Variants in DOCK4 observed in about 807,000 individuals in gnomAD.
DOCK4 encodes the protein dedicator of cytokinesis 4.
In DOCK4, 97 loss-of-function variants were observed where a neutral mutation model predicts 268.1. The observed-to-expected ratio is 0.36, with a 90% confidence interval of 0.31 to 0.43. The LOEUF (loss-of-function observed/expected upper bound fraction) is 0.43. Among genes scored for constraint, DOCK4 ranks in the 20% least tolerant of loss-of-function variants. The probability of loss-of-function intolerance (pLI) is 1.00; values close to 1 mark genes in which losing one functional copy is unlikely to be tolerated. For missense variants in DOCK4, 2,145 were observed against 2,455.7 expected, an observed-to-expected ratio of 0.87 and a Z score of 2.67; for synonymous variants, 954 against 887.2, an observed-to-expected ratio of 1.08 and a Z score of -1.34.
intron 1 of DOCK4, among the ~76,000 whole-genome samples, chr7:112,054,793 T>C (rs1369146827): frequency 6.6e-6 from 1 of 152,164 alleles, no homozygotes; most frequent in Non-Finnish European, 1.5e-5. Flanking sequence ...AACAATACAA[T>C]AGGCGGTATT....
intron 20 of DOCK4, among the ~76,000 whole-genome samples, chr7:111,869,913 G>A (rs1806272242): frequency 6.6e-6 from 1 of 152,118 alleles, no homozygotes; most frequent in African/African-American, 2.4e-5. Context: ...CCTCCAAATG[G>A]GTGAACACAA....
chr7:111,802,533 G>A lies in DOCK4; in HGVS notation c.3166+6288C>T, dbSNP rs147816680. ...AATGAAACTGAATTTCCTGCCAGCCGGAATAGTTCTCCCATGCCTGAGCTG... is the reference window on the plus strand; with the variant it reads ...AATGAAACTGAATTTCCTGCCAGCCAGAATAGTTCTCCCATGCCTGAGCTG... On this transcript the variant is annotated intron_variant, in intron 30 of 52. Transcript: ENST00000428084. Among the ~76,000 whole-genome samples, 76 of 152,264 alleles carry A rather than the reference G, an allele frequency of 5.0e-4. No individual in the cohort carries two copies. In the South Asian group the frequency reaches 5.2e-3, roughly 10 times the overall value.
intron 1 of DOCK4, among the ~76,000 whole-genome samples, chr7:112,076,928 G>A (rs149128216): frequency 2.6e-3 from 394 of 151,346 alleles, no homozygotes; most frequent in African/African-American, 9.3e-3. Context: ...ATAAAACAAA[G>A]ATCGCATCAT....
At chr7:111,783,177 T>G (rs928953335) in intron 34 of DOCK4, among the ~76,000 whole-genome samples, 3 of 152,166 alleles carry the variant, frequency 2.0e-5, no homozygotes, top group African/African-American at 7.2e-5. Context: ...AGAATTTCAT[T>G]GCCATGTCAA....
At chr7:112,016,458 T>A (rs888370544) in intron 1 of DOCK4, among the ~76,000 whole-genome samples, 5 of 152,238 alleles carry the variant, frequency 3.3e-5, no homozygotes, top group Non-Finnish European at 5.9e-5. Flanking sequence ...GTTTCTCCAC[T>A]GTACAGTTAC....
At chr7:111,777,848 T>A (rs938272423) in intron 36 of DOCK4, among the ~76,000 whole-genome samples, 2 of 152,202 alleles carry the variant, frequency 1.3e-5, no homozygotes, top group Admixed American at 6.5e-5. Flanking sequence ...AAGATGTGTC[T>A]TTTGCCTTTC....
intron 1 of DOCK4, among the ~76,000 whole-genome samples, chr7:112,119,191 G>A (rs1812466898): frequency 6.6e-6 from 1 of 152,112 alleles, no homozygotes; most frequent in South Asian, 2.1e-4. Flanking sequence ...ACAGCAGGGT[G>A]GGAGGGAAGC....
intron 1 of DOCK4, among the ~76,000 whole-genome samples, chr7:112,180,392 C>T (rs762193442): frequency 3.3e-5 from 5 of 152,144 alleles, no homozygotes; most frequent in Admixed American, 2.0e-4. Context: ...ACTTTTACCC[C>T]GACAGGTCCA....
At chr7:111,979,358 G>A (rs919531840) in intron 7 of DOCK4, among the ~76,000 whole-genome samples, 5 of 152,154 alleles carry the variant, frequency 3.3e-5, no homozygotes, top group Non-Finnish European at 5.9e-5. Flanking sequence ...CCTAAGCATT[G>A]AGGCATGTGT....
At chr7:111,827,368 G>C (rs1175323810) in intron 26 of DOCK4, among the ~76,000 whole-genome samples, 1 of 152,140 alleles carries the variant, frequency 6.6e-6, no homozygotes, top group Non-Finnish European at 1.5e-5. Flanking sequence ...GGAATATTAA[G>C]AGCATGCATT....
intron 8 of DOCK4, among the ~76,000 whole-genome samples, chr7:111,969,369 G>A (rs1797507932): frequency 6.7e-6 from 1 of 149,058 alleles, no homozygotes; most frequent in Admixed American, 6.6e-5. Flanking sequence ...TGTGATTCCA[G>A]TTGCCACCAG....
At chr7:111,746,566 T>A (rs1446903414) in intron 43 of DOCK4, 149 bp from the exon 44 acceptor site, 2 of 624,144 alleles carry the variant, frequency 3.2e-6, no homozygotes, top group Non-Finnish European at 5.7e-6. Context: ...GTGTAGGTGG[T>A]TGGTCAGAAT....
intron 52 of DOCK4, among the ~76,000 whole-genome samples, chr7:111,729,626 C>CAAAAACCCCAAAAACCTA (rs1794928132): frequency 6.6e-6 from 1 of 152,138 alleles, no homozygotes; most frequent in South Asian, 2.1e-4. Flanking sequence ...GGGAACTGGC[C>CAAAAACCCCAAAAACCTA]AAAAACCCCA....
chr7:111,871,103 T>C (rs1287681893), intron 20 of DOCK4, among the ~76,000 whole-genome samples: 1 of 152,204 alleles, frequency 6.6e-6, no homozygotes, highest in Non-Finnish European at 1.5e-5. Flanking sequence ...TGATAACCTA[T>C]TAACCTTTAT....
At chr7:112,069,459 T>C (rs1807381244) in intron 1 of DOCK4, among the ~76,000 whole-genome samples, 1 of 152,226 alleles carries the variant, frequency 6.6e-6, no homozygotes, top group Non-Finnish European at 1.5e-5. Context: ...ATCTCAATTC[T>C]ACCTCTTATT....
chr7:112,133,824 T>C (rs1814048827), intron 1 of DOCK4, among the ~76,000 whole-genome samples: 1 of 152,236 alleles, frequency 6.6e-6, no homozygotes, highest in Non-Finnish European at 1.5e-5. Flanking sequence ...GAGTGCTGTA[T>C]ACAGGTAGGT....
At chr7:112,112,849 C>T (rs1035194374) in intron 1 of DOCK4, among the ~76,000 whole-genome samples, 2 of 152,114 alleles carry the variant, frequency 1.3e-5, no homozygotes, top group African/African-American at 4.8e-5. Context: ...CTCATCTCTC[C>T]CAATTGCCCA....
intron 1 of DOCK4, among the ~76,000 whole-genome samples, chr7:112,205,366 C>A (rs1821306425): frequency 6.6e-6 from 1 of 152,170 alleles, no homozygotes; most frequent in African/African-American, 2.4e-5. Flanking sequence ...GCCCCCACTG[C>A]GCTCACCCGG....
chr7:112,027,971 G>A (rs1802951796), intron 1 of DOCK4, among the ~76,000 whole-genome samples: 1 of 152,196 alleles, frequency 6.6e-6, no homozygotes, highest in South Asian at 2.1e-4. Context: ...AACTAAAGGT[G>A]AGTACAGGGC....
Sources: allele counts gnomAD v4.1 joint callset (sites outside exome capture counted in the v4.1 genomes callset), GRCh38; gene constraint gnomAD v4.1.1; transcripts MANE v1.5; gene names NCBI Gene and HGNC (gene_info 2026-07-23, HGNC 2026-07-21).